Variants in PRR5L observed in about 807,000 individuals in gnomAD.
PRR5L encodes proline-rich protein 5-like.
In PRR5L, 21 loss-of-function variants were observed where a neutral mutation model predicts 36.4. The observed-to-expected ratio is 0.58, with a 90% CI of 0.41 to 0.83. PRR5L has a LOEUF of 0.83. PRR5L is among the 40% of genes least tolerant of loss of function. The pLI is 0.00. For missense variants in PRR5L, 381 were observed against 473.3 expected (o/e 0.80, Z 1.81); for synonymous variants, 188 against 197.0 (o/e 0.95, Z 0.38).
At chr11:36,380,286 T>G (rs985505204) in intron 1 of PRR5L, among the ~76,000 whole-genome samples, 4 of 152,190 alleles carry the variant, frequency 2.6e-5, no homozygotes, top group African/African-American at 9.7e-5. Context: ...AGCATTGGCC[T>G]GGGCGAGGAT....
Position 36,350,980 on chromosome 11 carries a change from T to TTATATATTTATATATTTATATATTTA in PRR5L, c.-125-49994_-125-49993insTTATATATATTTATATATTTATATAT, listed in dbSNP as rs1565406580. On this transcript the variant is annotated intron_variant, in intron 1 of 8. Coordinates refer to ENST00000530639, the MANE Select transcript of PRR5L (RefSeq NM_001160167.2). ...TATATATTTATATATTTATATATAT[T>TTATATATTTATATATTTATATATTTA]TATATATTTATATATTTATATATAT... Among the ~76,000 whole-genome samples the TTATATATTTATATATTTATATATTTA allele has an allele frequency of 2.1e-3, 93 of 43,372 alleles. 19 individuals are homozygous for TTATATATTTATATATTTATATATTTA. The highest frequency in any genetic ancestry group is 0.01 in the African/African-American group (74 of 7,290). The allele number at this position is 43,372 out of a possible 152,430, so 28.5% of individuals were successfully genotyped here.
intron 1 of PRR5L, among the ~76,000 whole-genome samples, chr11:36,323,877 C>G (rs938529616): frequency 2.0e-5 from 3 of 152,146 alleles, no homozygotes; most frequent in Non-Finnish European, 2.9e-5. Context: ...CATAGCAAGA[C>G]TCTGTCTTTT....
At chr11:36,355,988 T>C (rs540663213) in intron 1 of PRR5L, among the ~76,000 whole-genome samples, 1 of 152,112 alleles carries the variant, frequency 6.6e-6, no homozygotes, top group African/African-American at 2.4e-5. Flanking sequence ...AACAGCTCAC[T>C]GCAGCCTTGA....
At chr11:36,309,104 G>T (rs1856467265) in intron 1 of PRR5L, among the ~76,000 whole-genome samples, 1 of 152,220 alleles carries the variant, frequency 6.6e-6, no homozygotes, top group Non-Finnish European at 1.5e-5. Context: ...TAAGCTGTGA[G>T]AATATGTCTC....
intron 1 of PRR5L, among the ~76,000 whole-genome samples, chr11:36,304,257 A>G (rs371204367): frequency 3.3e-5 from 5 of 152,200 alleles, no homozygotes; most frequent in African/African-American, 1.2e-4. Flanking sequence ...TCATCTACAT[A>G]TGTTCCTGCC....
chr11:36,355,303 T>C (rs1857014169), intron 1 of PRR5L, among the ~76,000 whole-genome samples: 1 of 152,312 alleles, frequency 6.6e-6, no homozygotes, highest in Admixed American at 6.5e-5. Context: ...CTCTTCTTGT[T>C]CTCCTTGGAT....
intron 1 of PRR5L, among the ~76,000 whole-genome samples, chr11:36,299,225 G>A (rs1471549568): frequency 1.3e-5 from 2 of 152,096 alleles, no homozygotes; most frequent in Admixed American, 6.5e-5. Flanking sequence ...AAGCTACCAC[G>A]TTCTCTCCAC....
intron 4 of PRR5L, among the ~76,000 whole-genome samples, chr11:36,421,456 G>A (rs1196720812): frequency 1.3e-5 from 2 of 152,302 alleles, no homozygotes; most frequent in Non-Finnish European, 2.9e-5. Context: ...GGTGTGGGGC[G>A]AGAACTAGTT....
intron 4 of PRR5L, among the ~76,000 whole-genome samples, chr11:36,421,942 A>C (rs1024152373): frequency 1.3e-5 from 2 of 152,230 alleles, no homozygotes; most frequent in African/African-American, 4.8e-5. Context: ...AGGATTTCTT[A>C]ACATTATTTT....
rs1590565359 is a variant in PRR5L, at chr11:36,419,131, C to T, written c.246-124C>T. On this transcript the variant is annotated intron_variant, in intron 3 of 8. Coordinates refer to ENST00000530639, the MANE Select transcript of PRR5L (RefSeq NM_001160167.2). ...AACAATGGGGGAAGGGGGACCAGGA[C>T]CTAAGAAAGTGCCCTCAAGATCTCA... 3.7e-6 allele frequency: 3 copies of T among 807,330 alleles called. No homozygotes were observed. In the East Asian group the frequency reaches 7.3e-5, roughly 20 times the overall value. 50.0% of individuals were successfully genotyped at this position (807,330 alleles called of 1,614,324 possible). A position where few individuals can be genotyped will look rare whatever the true frequency, so the allele number is the denominator to read the frequency against.
rs954869712 is a variant in PRR5L, at chr11:36,377,333, C to T, written c.-125-23664C>T. On this transcript the variant is annotated intron_variant, in intron 1 of 8. Transcript: ENST00000530639. The surrounding 1 kb of genome is among the most constrained non-coding windows in gnomAD (Gnocchi z 5.1). ...GCTGTGAGCAAGCCCTGGGACGGCC[C>T]GGCTGCGGACCCCGCGCTGGGAGTC... 2.6e-5 allele frequency among the ~76,000 whole-genome samples: 4 copies of T among 152,190 alleles called. No individual in the cohort carries two copies. Among genetic ancestry groups the T allele is most frequent in the Non-Finnish European group, 5.9e-5 (4 of 68,016 alleles).
intron 1 of PRR5L, among the ~76,000 whole-genome samples, chr11:36,324,210 G>A (rs992661531): frequency 2.6e-5 from 4 of 152,116 alleles, no homozygotes; most frequent in African/African-American, 9.7e-5. Flanking sequence ...TATACAGTTA[G>A]TACAAAAGAA....
chr11:36,343,967 A>C (rs1856841567), intron 1 of PRR5L, among the ~76,000 whole-genome samples: 1 of 151,544 alleles, frequency 6.6e-6, no homozygotes, highest in Non-Finnish European at 1.5e-5. Flanking sequence ...CTGTAATTCG[A>C]GCACTTTGGG....
rs138594010 is a variant in PRR5L at position 36,299,842 on chromosome 11, A to C, written c.-126+3404A>C. On this transcript the variant is annotated intron_variant, in intron 1 of 8. Transcript: ENST00000530639. ...ACTGGAGTTTGGTCTGTGCTGCTAAAATGTTTTCTTCTTAGCAGAAAACTA... is the reference window on the plus strand; with the variant it reads ...ACTGGAGTTTGGTCTGTGCTGCTAACATGTTTTCTTCTTAGCAGAAAACTA... 1.9e-3 allele frequency among the ~76,000 whole-genome samples: 283 copies of C among 152,274 alleles called. 7 individuals carry two copies. The East Asian group carries it at 0.046, about 25-fold the overall frequency.
intron 1 of PRR5L, among the ~76,000 whole-genome samples, chr11:36,332,595 AT>A (rs1249965410): frequency 6.6e-6 from 1 of 152,148 alleles, no homozygotes; most frequent in Admixed American, 6.5e-5. Context: ...TCATGTTGAA[AT>A]GTGATCCCCA....
At chr11:36,392,073 T>C (rs1373723702) in intron 1 of PRR5L, among the ~76,000 whole-genome samples, 1 of 152,246 alleles carries the variant, frequency 6.6e-6, no homozygotes, top group African/African-American at 2.4e-5. Flanking sequence ...TGAAGTCTGT[T>C]GTTCTGTGGC....
chr11:36,380,883 A>G (rs1470373035), intron 1 of PRR5L, among the ~76,000 whole-genome samples: 1 of 152,214 alleles, frequency 6.6e-6, no homozygotes, highest in African/African-American at 2.4e-5. Context: ...TAAAAAGCAG[A>G]AGCTCACAGC....
intron 1 of PRR5L, among the ~76,000 whole-genome samples, chr11:36,331,953 G>C (rs12419171): frequency 0.096 from 14,620 of 152,102 alleles, 1,285 homozygotes; most frequent in African/African-American, 0.24. Context: ...GCTGTTTGAC[G>C]TTGGATAGGT....
intron 1 of PRR5L, among the ~76,000 whole-genome samples, chr11:36,354,394 G>A (rs990401013): frequency 2.0e-5 from 3 of 152,112 alleles, no homozygotes; most frequent in Non-Finnish European, 4.4e-5. Flanking sequence ...TAAGCCTTTG[G>A]GGCAGTTATT....
Sources: allele counts gnomAD v4.1 joint callset (sites outside exome capture counted in the v4.1 genomes callset), GRCh38; gene constraint gnomAD v4.1.1; non-coding constraint Gnocchi (gnomAD v3.1); transcripts MANE v1.5; gene names NCBI Gene and HGNC (gene_info 2026-07-23, HGNC 2026-07-21).